XIRP2: variants seen among roughly 807,000 people sequenced by gnomAD.
XIRP2 encodes the protein xin actin binding repeat containing 2.
A neutral mutation model predicts 277.0 loss-of-function variants in XIRP2; 236 were observed. The observed-to-expected ratio is 0.85, with a 90% CI of 0.77 to 0.95. XIRP2 has a LOEUF of 0.95. Ranked by LOEUF, XIRP2 falls within the 40% of genes least tolerant of loss-of-function variation. The pLI is 0.00. For synonymous variants in XIRP2, 1,490 were observed against 1,416.5 expected (o/e 1.05, Z -1.17); for missense variants, 4,640 against 4,157.5 (o/e 1.12, Z -3.19).
chr2:166,986,792 G>C lies in XIRP2; in HGVS notation c.408+82902G>C, dbSNP rs187163707. Among the ~76,000 whole-genome samples the C allele has an allele frequency of 2.2e-3, 341 of 152,304 alleles. 3 individuals are homozygous for C. The highest frequency in any genetic ancestry group is 7.9e-3 in the African/African-American group (330 of 41,566). On this transcript the variant is annotated intron_variant, in intron 2 of 10. Coordinates refer to ENST00000409195, the MANE Select transcript of XIRP2 (RefSeq NM_152381.6). ...AATGCTGTCATAAAACAAACGTTTA[G>C]ATAAATGAGATTATACCAGAGGATG...
chr2:167,170,071 T>C (rs1692639646), intron 3 of XIRP2, among the ~76,000 whole-genome samples: 1 of 152,166 alleles, frequency 6.6e-6, no homozygotes, highest in Admixed American at 6.5e-5. Flanking sequence ...GAGTTTCATA[T>C]TAGTCTTTGT....
intron 2 of XIRP2, among the ~76,000 whole-genome samples, chr2:167,010,781 T>C (rs1687654192): frequency 6.6e-6 from 1 of 152,132 alleles, no homozygotes; most frequent in East Asian, 1.9e-4. Context: ...CAAGAGGTCC[T>C]TCACGTCCCT....
At chr2:166,964,930 T>C (rs1321479134) in intron 2 of XIRP2, among the ~76,000 whole-genome samples, 1 of 151,842 alleles carries the variant, frequency 6.6e-6, no homozygotes, top group African/African-American at 2.4e-5. Context: ...GTCCTCATAC[T>C]ATATATTCAT....
intron 2 of XIRP2, among the ~76,000 whole-genome samples, chr2:167,076,872 C>T (rs1040054844): frequency 6.6e-6 from 1 of 152,084 alleles, no homozygotes; most frequent in Non-Finnish European, 1.5e-5. Context: ...CACTCGGTCT[C>T]TTAGGTCGGA....
intron 2 of XIRP2, among the ~76,000 whole-genome samples, chr2:167,010,802 A>T (rs1303624471): frequency 6.6e-6 from 1 of 151,904 alleles, no homozygotes; most frequent in Non-Finnish European, 1.5e-5. Flanking sequence ...TGTAAGTTGG[A>T]TTCCTAGGTA....
chr2:166,910,617 T>A (rs1371841840), intron 2 of XIRP2, among the ~76,000 whole-genome samples: 1 of 152,188 alleles, frequency 6.6e-6, no homozygotes, highest in Non-Finnish European at 1.5e-5. Context: ...TTTCCTTCAG[T>A]TCTGCTCTGA....
intron 2 of XIRP2, among the ~76,000 whole-genome samples, chr2:167,064,875 T>A (rs1486715552): frequency 1.3e-5 from 2 of 151,976 alleles, no homozygotes; most frequent in Non-Finnish European, 2.9e-5. Context: ...TATAGGTATA[T>A]ACCTCATTTT....
chr2:166,919,763 A>C (rs963754971), intron 2 of XIRP2, among the ~76,000 whole-genome samples: 6 of 152,176 alleles, frequency 3.9e-5, no homozygotes, highest in Non-Finnish European at 7.3e-5. Context: ...AAATATAAAC[A>C]AAAACCAGGA....
At chr2:166,951,862 G>T (rs1686042419) in intron 2 of XIRP2, among the ~76,000 whole-genome samples, 1 of 152,002 alleles carries the variant, frequency 6.6e-6, no homozygotes, top group Non-Finnish European at 1.5e-5. Context: ...ACAGACTTGA[G>T]ATCCTATCCT....
intron 2 of XIRP2, among the ~76,000 whole-genome samples, chr2:166,959,365 G>T (rs1169724956): frequency 6.6e-6 from 1 of 151,806 alleles, no homozygotes; most frequent in Non-Finnish European, 1.5e-5. Flanking sequence ...GGATTGTGAG[G>T]CTTTACTATG....
At chr2:167,139,124 A>T (rs1574289704) in intron 3 of XIRP2, among the ~76,000 whole-genome samples, 1 of 151,198 alleles carries the variant, frequency 6.6e-6, no homozygotes, top group South Asian at 2.1e-4. Context: ...ATATATATAT[A>T]TGATTTGTTG....
At chr2:166,903,408 T>G in intron 1 of XIRP2, 57 bp from the exon 2 acceptor site, 1 of 1,511,136 alleles carries the variant, frequency 6.6e-7, no homozygotes, top group East Asian at 2.3e-5. Flanking sequence ...ATTTTGAGTC[T>G]GAAAATGACT....
chr2:167,032,404 C>T (rs1420880903), intron 2 of XIRP2, among the ~76,000 whole-genome samples: 1 of 152,062 alleles, frequency 6.6e-6, no homozygotes, highest in Non-Finnish European at 1.5e-5. Flanking sequence ...GACTTCATGA[C>T]TAAAACACCA....
chr2:167,189,185 T>G (rs1365274161), intron 3 of XIRP2, among the ~76,000 whole-genome samples: 1 of 152,224 alleles, frequency 6.6e-6, no homozygotes, highest in South Asian at 2.1e-4. Flanking sequence ...TTAGGCAATG[T>G]GGAGTTGGGC....
In XIRP2 at chr2:167,210,880, C is replaced by T; in HGVS notation, c.708C>T (p.Arg236=). 1 of 1,614,098 alleles carries T rather than the reference C, an allele frequency of 6.2e-7. No homozygotes were observed. Among genetic ancestry groups the T allele is most frequent in the Non-Finnish European group, 8.5e-7 (1 of 1,180,000 alleles). The change falls in exon 4 of 11, where the codon CGC becomes CGT. Residue 236 remains arginine, a synonymous_variant. Coordinates refer to ENST00000409195, the MANE Select transcript of XIRP2 (RefSeq NM_152381.6). ...YQAAVSRGDC[R]SFSANMMEES... is the part of the protein sequence containing the mutation. ...CAGCTGTTTCCAGGGGTGACTGCCG[C>T]AGCTTCTCTGCTAATGTAAGCTGCT...
Position 167,246,913 on chromosome 2 carries a change from T to G in XIRP2, c.5521T>G (p.Leu1841Val), listed in dbSNP as rs747307658. 1.1e-5 allele frequency: 18 copies of G among 1,613,172 alleles called. No homozygotes were observed. The South Asian group carries it at 1.6e-4, about 15-fold the overall frequency. Reference protein sequence around the residue: ...IPKEEIIKGDLTSTLNSLSQA... With the variant: ...IPKEEIIKGDVTSTLNSLSQA... ...CAAAGAAGAGATTATAAAAGGTGAT[T>G]TGACATCAACCCTAAATTCCCTCAG... The change falls in exon 9 of 11, where the codon TTG (leucine) becomes GTG (valine). Residue 1841 changes from leucine (L) to valine (V), a missense_variant. Transcript: ENST00000409195.
rs1574299934 is a variant in XIRP2, at chr2:167,150,797, T to A, written c.562+14735T>A. 3.3e-5 allele frequency among the ~76,000 whole-genome samples: 5 copies of A among 152,212 alleles called. 1 individual carries two copies. In the South Asian group the frequency reaches 1.0e-3, roughly 32 times the overall value. ...AGCACACCTATATGCTTAAGAATTG[T>A]TAAGCTGTAAAAAGTTAGGTTTAAA... On this transcript the variant is annotated intron_variant, in intron 3 of 10. Transcript: ENST00000409195.
intron 3 of XIRP2, among the ~76,000 whole-genome samples, chr2:167,199,955 A>C (rs1213340689): frequency 2.0e-5 from 3 of 152,226 alleles, no homozygotes; most frequent in South Asian, 4.1e-4. Flanking sequence ...AAGTTATGTC[A>C]AAGAGGTAGC....
intron 2 of XIRP2, among the ~76,000 whole-genome samples, chr2:167,006,200 C>A (rs1301215035): frequency 1.3e-5 from 2 of 151,612 alleles, no homozygotes; most frequent in East Asian, 3.9e-4. Flanking sequence ...TTTCGAGGAG[C>A]TTTGGGTAAG....
Sources: gnomAD v4.1 joint callset for allele counts (sites outside exome capture counted in the v4.1 genomes callset) on GRCh38, gnomAD v4.1.1 for gene constraint, MANE v1.5 for transcripts, NCBI Gene and HGNC (gene_info 2026-07-23, HGNC 2026-07-21) for gene names.